TRABD2A: variants seen among roughly 807,000 people sequenced by gnomAD.
The protein encoded by TRABD2A is TraB domain containing 2A.
In TRABD2A, 43 loss-of-function variants were observed where a neutral mutation model predicts 45.6. The observed-to-expected ratio is 0.94, with a 90% confidence interval of 0.74 to 1.22. TRABD2A has a LOEUF of 1.22. Among genes scored for constraint, TRABD2A ranks in the 50% most tolerant of loss-of-function variants. The pLI is 0.00. For synonymous variants in TRABD2A, 269 were observed against 265.0 expected, an observed-to-expected ratio of 1.02 and a Z score of -0.15; for missense variants, 642 against 652.4, an observed-to-expected ratio of 0.98 and a Z score of 0.17.
intron 2 of TRABD2A, among the ~76,000 whole-genome samples, chr2:84,864,375 A>G (rs190432827): frequency 2.0e-4 from 30 of 152,290 alleles, no homozygotes; most frequent in African/African-American, 6.5e-4. Flanking sequence ...TGTCCAGCCC[A>G]CTGCCACTGG....
At chr2:84,845,450 G>A (rs934979262) in intron 2 of TRABD2A, among the ~76,000 whole-genome samples, 1 of 152,174 alleles carries the variant, frequency 6.6e-6, no homozygotes, top group Non-Finnish European at 1.5e-5. Flanking sequence ...ACAATCCCTG[G>A]TGGAAGATGG....
At chr2:84,852,175 C>A (rs1024029861) in intron 2 of TRABD2A, among the ~76,000 whole-genome samples, 3 of 152,208 alleles carry the variant, frequency 2.0e-5, no homozygotes, top group Admixed American at 6.5e-5. Context: ...TACCCCAGCA[C>A]ATACTCTTCT....
chr2:84,829,641 C>T (rs1267065961), intron 5 of TRABD2A, among the ~76,000 whole-genome samples: 3 of 150,302 alleles, frequency 2.0e-5, no homozygotes, highest in Non-Finnish European at 4.4e-5. Flanking sequence ...CCCACACGTA[C>T]ACAACACACA....
intron 4 of TRABD2A, chr2:84,838,184 A>T: frequency 2.8e-6 from 2 of 717,010 alleles, no homozygotes; most frequent in Non-Finnish European, 2.6e-6. Context: ...ACCATTAGGC[A>T]AACAGTTTTC....
chr2:84,879,259 C>G (rs912879294), intron 1 of TRABD2A, among the ~76,000 whole-genome samples: 8 of 151,524 alleles, frequency 5.3e-5, no homozygotes, highest in Non-Finnish European at 1.2e-4. Context: ...TCACACCTCA[C>G]TGGCCTCCAC....
In TRABD2A at chr2:84,830,999, G is replaced by C. The variant is rs923230134; in HGVS notation, c.1082+1056C>G. On this transcript the variant is annotated intron_variant, in intron 5 of 6. Transcript: ENST00000409520. The surrounding 1 kb of genome is among the most constrained non-coding windows in gnomAD (Gnocchi z 4.9). ...GACCACAGATCGGGAGGCAGTGGGG[G>C]CCAGAGGAATGGAGGGGATATTAGG... Among the ~76,000 whole-genome samples, 1 of 152,150 alleles carries C rather than the reference G, an allele frequency of 6.6e-6. No homozygotes were observed. The highest frequency in any genetic ancestry group is 1.5e-5 in the Non-Finnish European group (1 of 68,012).
At chr2:84,838,981 C>A (rs1681613518) in intron 4 of TRABD2A, 168 bp downstream of exon 4, 3 of 690,854 alleles carry the variant, frequency 4.3e-6, no homozygotes, top group Admixed American at 5.9e-5. Flanking sequence ...CTGGATGCTC[C>A]ATCCCCAGCT....
rs766944169 is a variant in TRABD2A, at chr2:84,821,915, C to T, written c.*2G>A. ...AGGTTCTTAGCCTGGTGCTTCCAGT[C>T]GTTACAGGAGGGGTGTCTCTGTTTG... is the stretch of plus-strand genomic sequence containing the variant. On this transcript the variant is annotated 3_prime_UTR_variant, in exon 7 of 7. Transcript: ENST00000409520. 16 of 1,586,386 alleles carry T rather than the reference C, an allele frequency of 1.0e-5. No homozygotes were observed. The highest frequency in any genetic ancestry group is 8.1e-5 in the African/African-American group (6 of 74,468).
At chr2:84,846,311 T>C (rs188815501) in intron 2 of TRABD2A, among the ~76,000 whole-genome samples, 1 of 152,352 alleles carries the variant, frequency 6.6e-6, no homozygotes, top group Admixed American at 6.5e-5. Context: ...GCTGCTGCAA[T>C]GATCCAAATA....
In TRABD2A at chr2:84,832,915, A is replaced by G. The variant is rs375186348; in HGVS notation, c.992-770T>C. ...AAGGAATGGCTACTTCCCAATCACC[A>G]CTTTCTAGAAAAAGTAAAGGCAACC... On this transcript the variant is annotated intron_variant, in intron 4 of 6. Coordinates refer to ENST00000409520, the MANE Select transcript of TRABD2A (RefSeq NM_001277053.2). The G allele has an allele frequency of 2.7e-4, 41 of 152,316 alleles. 1 individual carries two copies. The highest frequency in any genetic ancestry group is 9.9e-4 in the African/African-American group (41 of 41,552). The allele number at this position is 152,316 out of a possible 1,614,324, so 9.4% of individuals were successfully genotyped here. A position where few individuals can be genotyped will look rare whatever the true frequency, so the allele number is the denominator to read the frequency against.
intron 2 of TRABD2A, among the ~76,000 whole-genome samples, chr2:84,842,826 G>T (rs1681756973): frequency 6.6e-6 from 1 of 151,988 alleles, no homozygotes; most frequent in South Asian, 2.1e-4. Flanking sequence ...GGGTCTCCTT[G>T]ATGGGGAACA....
In TRABD2A at chr2:84,832,055, TTG is replaced by T. The variant is rs762068315; in HGVS notation, c.1080_1081del (p.His360GlnfsTer5). On this transcript the variant is annotated frameshift_variant and splice_region_variant, in exon 5 of 7. Coordinates refer to ENST00000409520, the MANE Select transcript of TRABD2A (RefSeq NM_001277053.2). LOFTEE classifies it high-confidence loss of function. ...CAAGATAGAAGCACAGGACGGTTACTTGTGGATGGGTCGTCCAGCAGGGGCGT... is the reference window on the plus strand; with the variant it reads ...CAAGATAGAAGCACAGGACGGTTACTTGGATGGGTCGTCCAGCAGGGGCGT... The T allele has an allele frequency of 1.2e-6, 2 of 1,611,834 alleles. No individual in the cohort carries two copies. The highest frequency in any genetic ancestry group is 1.7e-6 in the Non-Finnish European group (2 of 1,177,994).
chr2:84,838,302 C>G (rs1034029631), intron 4 of TRABD2A: 4 of 713,250 alleles, frequency 5.6e-6, no homozygotes, highest in South Asian at 1.5e-5. Context: ...CTGCTTCTAT[C>G]AAAATTCATC....
At chr2:84,840,938 C>T (rs369658993) in intron 3 of TRABD2A, among the ~76,000 whole-genome samples, 1 of 152,140 alleles carries the variant, frequency 6.6e-6, no homozygotes, top group South Asian at 2.1e-4. Flanking sequence ...TGTCCTTCTC[C>T]CCATTGCTGC....
intron 4 of TRABD2A, chr2:84,838,035 G>T: frequency 1.8e-6 from 1 of 563,372 alleles, no homozygotes. Flanking sequence ...TATTCACACA[G>T]AGCAAGCTCT....
chr2:84,852,804 C>T (rs1044517909), intron 2 of TRABD2A, among the ~76,000 whole-genome samples: 4 of 152,106 alleles, frequency 2.6e-5, no homozygotes, highest in African/African-American at 9.7e-5. Flanking sequence ...AAGCCAGAGC[C>T]TCCTGGGCCA....
At chr2:84,859,677 C>T (rs1682429752) in intron 2 of TRABD2A, among the ~76,000 whole-genome samples, 1 of 152,174 alleles carries the variant, frequency 6.6e-6, no homozygotes, top group Non-Finnish European at 1.5e-5. Flanking sequence ...CCCAATGGTT[C>T]TCCAACTTGC....
At position 84,824,033 on chromosome 2, in the gene TRABD2A, C is replaced by T. The variant is rs780648523; in HGVS notation, c.1254G>A (p.Arg418=). 2 of 1,613,756 alleles carry T rather than the reference C, an allele frequency of 1.2e-6. No individual in the cohort carries two copies. The highest frequency in any genetic ancestry group is 1.7e-5 in the Admixed American group (1 of 59,990). ...GTGACCGCCTCCGCTTCTTCCGGAACCTCTGTTCGGCCTCACTGGGCGTGT... is the reference window on the plus strand; with the variant it reads ...GTGACCGCCTCCGCTTCTTCCGGAATCTCTGTTCGGCCTCACTGGGCGTGT... ...SADTPSEAEQ[R]FRKKRRRSQR... Residue 418 remains arginine, a synonymous_variant, in exon 6 of 7, where the codon AGG becomes AGA. Coordinates refer to ENST00000409520, the MANE Select transcript of TRABD2A (RefSeq NM_001277053.2).
intron 5 of TRABD2A, among the ~76,000 whole-genome samples, chr2:84,831,640 CT>C (rs1030677814): frequency 3.9e-5 from 6 of 152,156 alleles, no homozygotes; most frequent in Non-Finnish European, 7.4e-5. Context: ...CCCTGCACCC[CT>C]AACCCCTCTG....
Sources: allele counts gnomAD v4.1 joint callset (sites outside exome capture counted in the v4.1 genomes callset), GRCh38; gene constraint gnomAD v4.1.1; non-coding constraint Gnocchi (gnomAD v3.1); transcripts MANE v1.5; gene names NCBI Gene and HGNC (gene_info 2026-07-23, HGNC 2026-07-21).